AGBL4: variants seen among roughly 807,000 people sequenced by gnomAD.
The protein encoded by AGBL4 is cytosolic carboxypeptidase 6.
In AGBL4, 58 loss-of-function variants were observed where a neutral mutation model predicts 66.4. That is an observed-to-expected ratio of 0.87 (90% CI 0.71 to 1.09). The LOEUF (loss-of-function observed/expected upper bound fraction) is 1.09. AGBL4 is among the 50% of genes least tolerant of loss of function. The pLI is 0.00. For missense variants in AGBL4, 579 were observed against 631.0 expected (o/e 0.92, Z 0.88); for synonymous variants, 234 against 222.9 (o/e 1.05, Z -0.44).
intron 3 of AGBL4, among the ~76,000 whole-genome samples, chr1:49,380,695 T>C (rs75660051): frequency 1.8e-3 from 268 of 145,544 alleles, no homozygotes; most frequent in South Asian, 2.9e-3. Flanking sequence ...ATGCCACATA[T>C]CTGCAACTAT....
intron 3 of AGBL4, among the ~76,000 whole-genome samples, chr1:49,482,808 G>A (rs1221012761): frequency 6.6e-6 from 1 of 151,960 alleles, no homozygotes; most frequent in Admixed American, 6.6e-5. Flanking sequence ...CCCAGAGATT[G>A]TGGTATGTTG....
intron 11 of AGBL4, among the ~76,000 whole-genome samples, chr1:48,547,912 G>A (rs1181715343): frequency 1.3e-5 from 2 of 152,040 alleles, no homozygotes; most frequent in Non-Finnish European, 2.9e-5. Flanking sequence ...CTTCTCTGTG[G>A]GTAAATGTAG....
At chr1:49,966,125 G>A (rs961617673) in intron 1 of AGBL4, among the ~76,000 whole-genome samples, 6 of 151,846 alleles carry the variant, frequency 4.0e-5, no homozygotes, top group African/African-American at 1.2e-4. Context: ...TGTATTTTTA[G>A]TAGAGACAGA....
chr1:49,070,445 C>T (rs765250101), intron 4 of AGBL4, among the ~76,000 whole-genome samples: 38 of 151,806 alleles, frequency 2.5e-4, no homozygotes, highest in Non-Finnish European at 5.1e-4. Context: ...GCATGAAGGG[C>T]TGTTGAATTT....
At chr1:49,216,335 G>A (rs754335697) in intron 4 of AGBL4, among the ~76,000 whole-genome samples, 8 of 152,064 alleles carry the variant, frequency 5.3e-5, no homozygotes, top group Non-Finnish European at 1.5e-5. Flanking sequence ...GCTAAGGTTT[G>A]GGATATGAAT....
intron 3 of AGBL4, among the ~76,000 whole-genome samples, chr1:49,597,344 T>C (rs1271306866): frequency 6.6e-6 from 1 of 152,146 alleles, no homozygotes; most frequent in Non-Finnish European, 1.5e-5. Context: ...AATTAAATGA[T>C]TGCAAGTCTG....
rs184741574 is a variant in AGBL4, at chr1:49,742,968, T to C, written c.158-45531A>G. Reference sequence around the variant, plus strand: ...AAACCCTAGAAAAAAACCTACGCAATACCATTCAGGACATAGGCATGGGCA... The same window carrying C: ...AAACCCTAGAAAAAAACCTACGCAACACCATTCAGGACATAGGCATGGGCA... On this transcript the variant is annotated intron_variant, in intron 2 of 13. Transcript: ENST00000371839. Among the ~76,000 whole-genome samples the C allele has an allele frequency of 3.5e-3, 532 of 152,228 alleles. 1 individual carries two copies. Among genetic ancestry groups the C allele is most frequent in the Non-Finnish European group, 5.9e-3 (404 of 68,020 alleles).
rs564835738 is a variant in AGBL4 at position 49,497,576 on chromosome 1, A to T, written c.282+199737T>A. On this transcript the variant is annotated intron_variant, in intron 3 of 13. Coordinates refer to ENST00000371839, the MANE Select transcript of AGBL4 (RefSeq NM_032785.4). ...TTATTTTTGTACATGATGTGAGATA[A>T]AGTCTATTTTCATTCTTCTATATGT... Among the ~76,000 whole-genome samples the T allele has an allele frequency of 2.2e-4, 33 of 152,092 alleles. No individual in the cohort carries two copies. In the South Asian group the frequency reaches 6.8e-3, roughly 32 times the overall value.
chr1:48,871,949 T>C (rs552778492), intron 5 of AGBL4, among the ~76,000 whole-genome samples: 68 of 152,280 alleles, frequency 4.5e-4, no homozygotes, highest in African/African-American at 1.6e-3. Flanking sequence ...CTTTGGACCT[T>C]TTCTGGATTC....
At chr1:49,706,157 G>A (rs1200978043) in intron 2 of AGBL4, among the ~76,000 whole-genome samples, 1 of 152,080 alleles carries the variant, frequency 6.6e-6, no homozygotes, top group African/African-American at 2.4e-5. Flanking sequence ...GGTGGAATTC[G>A]GCTGTGAATC....
intron 10 of AGBL4, among the ~76,000 whole-genome samples, chr1:48,589,028 T>C (rs962252426): frequency 1.7e-4 from 26 of 152,198 alleles, no homozygotes; most frequent in Admixed American, 6.5e-5. Flanking sequence ...CTGAGGCCTA[T>C]GACCCAGCCT....
intron 4 of AGBL4, among the ~76,000 whole-genome samples, chr1:49,116,689 A>C (rs2148033328): frequency 6.6e-6 from 1 of 152,348 alleles, no homozygotes; most frequent in South Asian, 2.1e-4. Flanking sequence ...ATATGTGTGC[A>C]TGTGTCTTTA....
At chr1:49,975,352 G>C (rs570949063) in intron 1 of AGBL4, among the ~76,000 whole-genome samples, 17 of 152,258 alleles carry the variant, frequency 1.1e-4, no homozygotes, top group Admixed American at 9.2e-4. Context: ...TGCATGCAGT[G>C]AAAACAGTTC....
At chr1:49,861,533 G>T (rs368195861) in intron 1 of AGBL4, among the ~76,000 whole-genome samples, 1 of 152,086 alleles carries the variant, frequency 6.6e-6, no homozygotes, top group Non-Finnish European at 1.5e-5. Flanking sequence ...CTGGGATTTT[G>T]TAGAGGAGCA....
intron 3 of AGBL4, among the ~76,000 whole-genome samples, chr1:49,346,050 C>G (rs948686480): frequency 6.6e-6 from 1 of 152,066 alleles, no homozygotes; most frequent in Admixed American, 6.5e-5. Flanking sequence ...TTTTAAAAAG[C>G]GCCTATATGG....
At chr1:49,400,805 T>A (rs1406608098) in intron 3 of AGBL4, among the ~76,000 whole-genome samples, 1 of 152,194 alleles carries the variant, frequency 6.6e-6, no homozygotes, top group Non-Finnish European at 1.5e-5. Context: ...TTGTATCATT[T>A]GCAAACAAGA....
intron 4 of AGBL4, among the ~76,000 whole-genome samples, chr1:49,223,434 AG>A (rs1012487009): frequency 6.6e-6 from 1 of 152,150 alleles, no homozygotes; most frequent in African/African-American, 2.4e-5. Context: ...CAAGTGTAAA[AG>A]TTTATGTGGG....
At chr1:48,947,337 C>T (rs924374032) in intron 5 of AGBL4, among the ~76,000 whole-genome samples, 1 of 152,180 alleles carries the variant, frequency 6.6e-6, no homozygotes, top group African/African-American at 2.4e-5. Flanking sequence ...GGACTCTTAT[C>T]CAATGTTTTA....
chr1:49,583,142 A>G (rs1000306152), intron 3 of AGBL4, among the ~76,000 whole-genome samples: 3 of 152,152 alleles, frequency 2.0e-5, no homozygotes, highest in Non-Finnish European at 4.4e-5. Flanking sequence ...GGAGATAGGA[A>G]TATTTTGTTC....
Sources: allele counts gnomAD v4.1 joint callset (sites outside exome capture counted in the v4.1 genomes callset), GRCh38; gene constraint gnomAD v4.1.1; transcripts MANE v1.5; gene names NCBI Gene and HGNC (gene_info 2026-07-23, HGNC 2026-07-21).